NEB: variants seen among roughly 807,000 people sequenced by gnomAD.
NEB encodes the protein nemaline myopathy type 2.
Under a neutral mutation model 952.2 loss-of-function variants are expected in NEB, and 512 were observed. The ratio of observed to expected loss-of-function variants is 0.54; its 90% confidence interval spans 0.50 to 0.58. The LOEUF is 0.58. Among genes scored for constraint, NEB ranks in the 20% least tolerant of loss-of-function variants. The probability of loss-of-function intolerance (pLI) is 0.00; values close to 1 mark genes in which losing one functional copy is unlikely to be tolerated. For synonymous variants in NEB, 2,900 were observed against 3,149.8 expected, an observed-to-expected ratio of 0.92 and a Z score of 2.66; for missense variants, 8,428 against 9,231.1, an observed-to-expected ratio of 0.91 and a Z score of 3.56.
At chr2:151,500,840 C>T (rs2063919058) in intron 168 of NEB, among the ~76,000 whole-genome samples, 1 of 152,102 alleles carries the variant, frequency 6.6e-6, no homozygotes, top group Non-Finnish European at 1.5e-5. Context: ...CTCAAGTGAT[C>T]TGCCTGCCTC....
intron 161 of NEB, among the ~76,000 whole-genome samples, chr2:151,509,890 G>A (rs960473092): frequency 1.2e-4 from 18 of 152,202 alleles, no homozygotes; most frequent in African/African-American, 3.9e-4. Flanking sequence ...TTACAGGCGC[G>A]AGCCACTGCG....
At chr2:151,726,791 C>T (rs1372470324) in intron 5 of NEB, among the ~76,000 whole-genome samples, 1 of 152,080 alleles carries the variant, frequency 6.6e-6, no homozygotes, top group Non-Finnish European at 1.5e-5. Flanking sequence ...TTTGTGGGGC[C>T]AAGGTGGGAG....
Position 151,635,986 on chromosome 2 carries a change from G to A in NEB, c.9102+241C>T, listed in dbSNP as rs1419031803. Among the ~76,000 whole-genome samples, 4 of 152,166 alleles carry A rather than the reference G, an allele frequency of 2.6e-5. No homozygotes were observed. In the South Asian group the frequency reaches 8.3e-4, roughly 32 times the overall value. On this transcript the variant is annotated intron_variant, in intron 64 of 181. Coordinates refer to ENST00000397345, the MANE Select transcript of NEB (RefSeq NM_001164508.2). ...TCACTCTAACAGGGTCCACATGAAT[G>A]AATCTTTCTCTATTTTTGGTTGACC...
rs182911246 is a variant in NEB at position 151,487,110 on chromosome 2, T to C, written c.25405-1177A>G. Among the ~76,000 whole-genome samples the C allele has an allele frequency of 5.3e-5, 8 of 152,300 alleles. No individual in the cohort carries two copies. The East Asian group carries it at 1.5e-3, about 29-fold the overall frequency. On this transcript the variant is annotated intron_variant, in intron 181 of 181. Coordinates refer to ENST00000397345, the MANE Select transcript of NEB (RefSeq NM_001164508.2). ...AAAAGACAGAATATGCTGCTAATTT[T>C]ATTTATGGCCTTTTTCTACCTTTCG...
Position 151,680,752 on chromosome 2 carries a change from A to G in NEB, c.3020T>C (p.Ile1007Thr), listed in dbSNP as rs1339414432. 1 of 1,610,094 alleles carries G rather than the reference A, an allele frequency of 6.2e-7. No individual in the cohort carries two copies. The highest frequency in any genetic ancestry group is 2.2e-5 in the East Asian group (1 of 44,824). ...EDAPITVQSK[I>T]NQAQRSDIAY... Reference sequence around the variant, plus strand: ...TACATCACTCCTCTGGGCCTGGTTAATTTTAGACTGTACTGTAATTGGAGC... The same window carrying G: ...TACATCACTCCTCTGGGCCTGGTTAGTTTTAGACTGTACTGTAATTGGAGC... The change falls in exon 30 of 182, where the codon ATT (isoleucine) becomes ACT (threonine). Residue 1007 changes from isoleucine to threonine, a missense_variant. By Grantham distance (89) the Ile-to-Thr change is moderately conservative. Transcript: ENST00000397345.
At chr2:151,513,755 A>T in intron 159 of NEB, 62 bp from the exon 160 acceptor site, 1 of 1,143,722 alleles carries the variant, frequency 8.7e-7, no homozygotes, top group Non-Finnish European at 1.3e-6. Flanking sequence ...TAATAAACAT[A>T]CAGGGTGAAT....
rs770606014 is a variant in NEB at position 151,618,489 on chromosome 2, AC to A, written c.10873-12del. The A allele has an allele frequency of 6.2e-7, 1 of 1,609,028 alleles. No individual in the cohort carries two copies. Among genetic ancestry groups the A allele is most frequent in the Non-Finnish European group, 8.5e-7 (1 of 1,176,552 alleles). ...TGACTTATACAAATTCTGCAGATCA[AC>A]AGATAAGAAACAGATTTATTAATTA... On this transcript the variant is annotated splice_polypyrimidine_tract_variant and intron_variant, in intron 73 of 181. Coordinates refer to ENST00000397345, the MANE Select transcript of NEB (RefSeq NM_001164508.2).
chr2:151,621,767 T>C (rs888136434), intron 71 of NEB, among the ~76,000 whole-genome samples: 7 of 152,172 alleles, frequency 4.6e-5, no homozygotes, highest in South Asian at 2.1e-4. Context: ...TGTGAACCAG[T>C]GATAAAAATT....
chr2:151,656,054 T>C, intron 49 of NEB, 31 bp from the exon 50 acceptor site: 1 of 1,604,382 alleles, frequency 6.2e-7, no homozygotes, highest in Non-Finnish European at 8.5e-7. Flanking sequence ...TTCTACTTTA[T>C]CTTATCCATT....
At chr2:151,698,253 A>G (rs1461090772) in intron 13 of NEB, among the ~76,000 whole-genome samples, 1 of 152,176 alleles carries the variant, frequency 6.6e-6, no homozygotes, top group Non-Finnish European at 1.5e-5. Flanking sequence ...TTTAATGCAT[A>G]TACCACACAA....
rs200412065 is a variant in NEB, at chr2:151,664,539, T to C, written c.5413A>G (p.Ile1805Val). The change falls in exon 44 of 182, where the codon ATA becomes GTA. Residue 1805 changes from isoleucine (I) to valine (V), a missense_variant. Ile to Val is a conservative substitution (Grantham distance 29). Around this residue, in one of 11 missense-constraint regions of NEB, gnomAD observed 2,851 missense variants for 2,791.5 expected, o/e 1.02. Coordinates refer to ENST00000397345, the MANE Select transcript of NEB (RefSeq NM_001164508.2). ...GYDLRPDAIA[I>V]KAARASRDIA... is the part of the protein sequence containing the mutation. ...TCTCTAGAGGCTCTTGCAGCCTTTA[T>C]TGCAATGGCATCAGGCCTCAGGTCA... 4.7e-5 allele frequency: 76 copies of C among 1,607,068 alleles called. No homozygotes were observed. The highest frequency in any genetic ancestry group is 5.3e-5 in the Non-Finnish European group (62 of 1,176,942).
intron 149 of NEB, 45 bp from the exon 150 acceptor site, chr2:151,526,113 G>A (rs374503714): frequency 1.3e-4 from 203 of 1,610,896 alleles, no homozygotes; most frequent in Middle Eastern, 1.7e-4. Context: ...TGCCTGGGGC[G>A]TTCTCCCAAG....
Position 151,639,955 on chromosome 2 carries a change from T to C in NEB, c.8791A>G (p.Lys2931Glu), listed in dbSNP as rs1049915348. ...CTGTCTGGAGGCTGGCGATAGATTT[T>C]ATCACTCAAAATTTCAGTTGCCCTT... is the stretch of plus-strand genomic sequence containing the variant. ...CKRATEILSDKIYRQPPDRFK... is the reference protein window; with the variant it reads ...CKRATEILSDEIYRQPPDRFK... Residue 2931 changes from lysine to glutamate, a missense_variant, in exon 62 of 182, where the codon AAA becomes GAA. Transcript: ENST00000397345. The C allele has an allele frequency of 1.2e-6, 2 of 1,613,894 alleles. No individual in the cohort carries two copies. The highest frequency in any genetic ancestry group is 2.7e-5 in the African/African-American group (2 of 74,930).
chr2:151,502,975 G>A (rs1448749436), intron 166 of NEB, 90 bp from the exon 167 acceptor site: 1 of 746,640 alleles, frequency 1.3e-6, no homozygotes, highest in Non-Finnish European at 2.2e-6. Context: ...TTATATGTGA[G>A]GAGGCAGTTT....
intron 131 of NEB, 75 bp downstream of exon 131, chr2:151,548,233 A>C (rs1478536091): frequency 1.7e-6 from 2 of 1,191,528 alleles, no homozygotes; most frequent in Non-Finnish European, 2.5e-6. Flanking sequence ...AATAAGATTA[A>C]TTCTTAATGC....
In NEB at chr2:151,576,155, C is replaced by G; in HGVS notation, c.16904G>C (p.Ser5635Thr). Residue 5635 changes from serine to threonine, a missense_variant, in exon 106 of 182, where the codon AGT (serine) becomes ACT (threonine). Physicochemically the swap from Ser to Thr is moderately conservative, Grantham distance 58 (BLOSUM62 1). Transcript: ENST00000397345. ...VLAKSNAENI[S>T]IPKYREVWDK... ...AATAGAGAAAAACTAACTCACAATA[C>G]TAATATTTTCAGCATTTGATTTAGC... 6.3e-7 allele frequency: 1 copy of G among 1,590,096 alleles called. No homozygotes were observed. Among genetic ancestry groups the G allele is most frequent in the South Asian group, 1.2e-5 (1 of 86,144 alleles).
chr2:151,507,236 TC>T, intron 162 of NEB: 2 of 456,832 alleles, frequency 4.4e-6, no homozygotes, highest in Admixed American at 3.9e-5. Context: ...TGTTTAAGTA[TC>T]CCTTGCTTAG....
chr2:151,725,926 A>G (rs1018199682), intron 5 of NEB, among the ~76,000 whole-genome samples: 1 of 152,226 alleles, frequency 6.6e-6, no homozygotes, highest in Non-Finnish European at 1.5e-5. Context: ...GAGTGCTAAT[A>G]CAATGCAAAA....
chr2:151,568,117 G>A lies in NEB; in HGVS notation c.17798C>T (p.Ala5933Val). ...KATGYILPPD[A>V]VPFVHAHHCN... ...GTGATGGGCATGAACAAATGGCACA[G>A]CATCTGGAGGCAAAATGTAACCTGT... The change falls in exon 113 of 182, where the codon GCT (alanine) becomes GTT (valine). Residue 5933 changes from alanine to valine, a missense_variant. Physicochemically the swap from Ala to Val is moderately conservative, Grantham distance 64. Coordinates refer to ENST00000397345, the MANE Select transcript of NEB (RefSeq NM_001164508.2). 6.2e-7 allele frequency: 1 copy of A among 1,613,720 alleles called. No homozygotes were observed. The highest frequency in any genetic ancestry group is 8.5e-7 in the Non-Finnish European group (1 of 1,179,760).
Sources: gnomAD v4.1 joint callset for allele counts (sites outside exome capture counted in the v4.1 genomes callset) on GRCh38, gnomAD v4.1.1 for gene constraint, gnomAD v4.1.1 regional missense constraint, MANE v1.5 for transcripts, NCBI Gene and HGNC (gene_info 2026-07-23, HGNC 2026-07-21) for gene names.